The following KMT2C variants were observed in gnomAD, a reference collection of about 807,000 sequenced individuals.
KMT2C encodes the protein histone-lysine N-methyltransferase 2C.
A neutral mutation model predicts 507.9 loss-of-function variants in KMT2C; 88 were observed. The ratio of observed to expected loss-of-function variants is 0.17; its 90% CI spans 0.15 to 0.21. The LOEUF (loss-of-function observed/expected upper bound fraction) is 0.21. KMT2C is among the 10% of genes least tolerant of loss of function. The probability of loss-of-function intolerance (pLI) is 1.00; values close to 1 mark genes in which losing one functional copy is unlikely to be tolerated. For missense variants in KMT2C, 4,954 were observed against 5,957.8 expected, an observed-to-expected ratio of 0.83 and a Z score of 5.55; for synonymous variants, 2,049 against 2,080.8, an observed-to-expected ratio of 0.98 and a Z score of 0.42.
intron 6 of KMT2C, among the ~76,000 whole-genome samples, chr7:152,279,299 C>T (rs1180790700): frequency 3.3e-5 from 5 of 152,176 alleles, no homozygotes; most frequent in African/African-American, 9.6e-5. Context: ...ATCTCTGAGA[C>T]GTGGCAAATG....
At chr7:152,194,299 C>T (rs2129129201) in intron 29 of KMT2C, 38 bp from the exon 30 acceptor site, 1 of 1,360,250 alleles carries the variant, frequency 7.4e-7, no homozygotes, top group Non-Finnish European at 1.0e-6. Context: ...ACATTAACAG[C>T]TACTAATTCA....
chr7:152,239,095 T>C (rs965082713), intron 14 of KMT2C: 8 of 291,506 alleles, frequency 2.7e-5, no homozygotes, highest in African/African-American at 1.4e-4. Flanking sequence ...TTAAGGTTTA[T>C]AGGACATCAA....
At chr7:152,207,237 T>G (rs1465759267) in intron 24 of KMT2C, 63 bp downstream of exon 24, 2 of 1,230,726 alleles carry the variant, frequency 1.6e-6, no homozygotes, top group Admixed American at 4.8e-5. Context: ...GTCTTCAGTA[T>G]TGTATTTTTC....
chr7:152,290,788 A>G (rs2096414582), intron 6 of KMT2C, among the ~76,000 whole-genome samples: 1 of 152,182 alleles, frequency 6.6e-6, no homozygotes, highest in Non-Finnish European at 1.5e-5. Flanking sequence ...TTTAATAAAC[A>G]GAAGTTATTT....
intron 14 of KMT2C, among the ~76,000 whole-genome samples, chr7:152,239,431 T>TCG (rs1428518825): frequency 3.3e-5 from 5 of 152,224 alleles, no homozygotes; most frequent in African/African-American, 1.2e-4. Context: ...CCATTAGTTG[T>TCG]CGGTTTGGTT....
At chr7:152,240,670 T>TA (rs577086829) in intron 14 of KMT2C, among the ~76,000 whole-genome samples, 72 of 152,408 alleles carry the variant, frequency 4.7e-4, no homozygotes, top group Admixed American at 1.8e-3. Context: ...TCCCCATCCT[T>TA]ATAAATGGCA....
Position 152,181,096 on chromosome 7 carries a change from T to C in KMT2C, c.6764A>G (p.Gln2255Arg), listed in dbSNP as rs778730150. The part of the protein sequence containing the change: ...PNQDPFLQAA[Q>R]NRGPALPGPL... ...GCCAGGTAAAGCTGGTCCTCGGTTT[T>C]GTGCTGCTTGCAGGAAAGGATCCTG... The change falls in exon 36 of 59, where the codon CAA (glutamine) becomes CGA (arginine). Residue 2255 changes from glutamine to arginine, a missense_variant. This residue lies in a region of KMT2C where 1,689 missense variants were observed against 1,654.3 expected (regional missense o/e 1.02). Transcript: ENST00000262189. 6 of 1,614,082 alleles carry C rather than the reference T, an allele frequency of 3.7e-6. No individual in the cohort carries two copies. Among genetic ancestry groups the C allele is most frequent in the Non-Finnish European group, 5.1e-6 (6 of 1,180,044 alleles).
rs1589042229 is a variant in KMT2C, at chr7:152,302,250, T to G, written c.849+7716A>C. On this transcript the variant is annotated intron_variant, in intron 6 of 58. Coordinates refer to ENST00000262189, the MANE Select transcript of KMT2C (RefSeq NM_170606.3). ...TTTTAAGAGTAAAACACCTGGTTTT[T>G]TTTGAGATGGAGTTTTAGGCAGGAG... 2.0e-5 allele frequency among the ~76,000 whole-genome samples: 3 copies of G among 152,240 alleles called. No individual in the cohort carries two copies. The East Asian group carries it at 5.8e-4, about 29-fold the overall frequency.
intron 1 of KMT2C, among the ~76,000 whole-genome samples, chr7:152,386,200 G>A (rs555463955): frequency 6.7e-6 from 1 of 148,198 alleles, no homozygotes; most frequent in South Asian, 2.2e-4. Context: ...TTCCTCAGCT[G>A]TTAAAAAAGA....
At chr7:152,392,615 A>G (rs1054271150) in intron 1 of KMT2C, among the ~76,000 whole-genome samples, 5 of 152,222 alleles carry the variant, frequency 3.3e-5, no homozygotes, top group African/African-American at 1.2e-4. Flanking sequence ...AAGTCACATC[A>G]GAACCACCAG....
intron 6 of KMT2C, among the ~76,000 whole-genome samples, chr7:152,275,252 T>C (rs12674063): frequency 0.044 from 6,764 of 152,192 alleles, 236 homozygotes; most frequent in South Asian, 0.09. Flanking sequence ...AAGAAAGAGA[T>C]ACAAAAATTT....
chr7:152,300,373 C>T lies in KMT2C; in HGVS notation c.849+9593G>A, dbSNP rs2096555468. On this transcript the variant is annotated intron_variant, in intron 6 of 58. Transcript: ENST00000262189. ...TATGGAAATAATGTGGCTTATCCTG[C>T]TATTCTTTTTATGAGTCTGGAAATT... Among the ~76,000 whole-genome samples, 6 of 152,118 alleles carry T rather than the reference C, an allele frequency of 3.9e-5. No individual in the cohort carries two copies. The South Asian group carries it at 1.2e-3, about 32-fold the overall frequency.
intron 13 of KMT2C, 85 bp downstream of exon 13, chr7:152,249,791 C>A: frequency 1.7e-6 from 1 of 584,702 alleles, no homozygotes. Flanking sequence ...AATGTATATA[C>A]ATACAGCAAT....
intron 1 of KMT2C, chr7:152,366,652 T>C (rs1396395516): frequency 6.5e-6 from 1 of 153,744 alleles, no homozygotes; most frequent in Admixed American, 6.5e-5. Flanking sequence ...CAAGATTTTT[T>C]AAAAAGCTAT....
At chr7:152,164,527 G>A (rs1038505187) in intron 42 of KMT2C, among the ~76,000 whole-genome samples, 2 of 151,970 alleles carry the variant, frequency 1.3e-5, no homozygotes, top group African/African-American at 4.8e-5. Flanking sequence ...CTGACCTCGT[G>A]ATCCGCCCGC....
intron 20 of KMT2C, 86 bp downstream of exon 20, chr7:152,223,929 T>G: frequency 7.7e-6 from 8 of 1,042,596 alleles, no homozygotes; most frequent in Non-Finnish European, 1.1e-5. Flanking sequence ...AACTTGTGAT[T>G]AAGGAAAAGC....
At chr7:152,389,605 C>T (rs1304436093) in intron 1 of KMT2C, among the ~76,000 whole-genome samples, 1 of 151,964 alleles carries the variant, frequency 6.6e-6, no homozygotes, top group African/African-American at 2.4e-5. Context: ...CCATACCTGG[C>T]TAAGTTTTAT....
chr7:152,312,437 C>G (rs1010043922), intron 4 of KMT2C: 1 of 152,338 alleles, frequency 6.6e-6, no homozygotes, highest in Non-Finnish European at 1.5e-5. Flanking sequence ...AAACCCACTA[C>G]AGAGTGTGAA....
At chr7:152,358,505 T>TG in intron 2 of KMT2C, 82 bp downstream of exon 2, 1 of 884,664 alleles carries the variant, frequency 1.1e-6, no homozygotes, top group Non-Finnish European at 1.8e-6. Context: ...ACACAGAATA[T>TG]TGTTATACAA....
Sources: gnomAD v4.1 joint callset for allele counts (sites outside exome capture counted in the v4.1 genomes callset) on GRCh38, gnomAD v4.1.1 for gene constraint, gnomAD v4.1.1 regional missense constraint, MANE v1.5 for transcripts, NCBI Gene and HGNC (gene_info 2026-07-23, HGNC 2026-07-21) for gene names.